AKAP9: variants seen among roughly 807,000 people sequenced by gnomAD.
AKAP9 encodes the protein A-kinase anchor protein 9.
In AKAP9, 311 loss-of-function variants were observed where a neutral mutation model predicts 488.5. That is an observed-to-expected ratio of 0.64 (90% confidence interval 0.58 to 0.70). The LOEUF (loss-of-function observed/expected upper bound fraction) is 0.70, where lower values mean the gene tolerates loss of function less well. Among genes scored for constraint, AKAP9 ranks in the 30% least tolerant of loss-of-function variants. AKAP9 has a pLI of 0.00. For synonymous variants in AKAP9, 1,462 were observed against 1,483.5 expected, an observed-to-expected ratio of 0.99 and a Z score of 0.33; for missense variants, 4,215 against 4,374.5, an observed-to-expected ratio of 0.96 and a Z score of 1.03.
chr7:92,102,798 G>T lies in AKAP9; in HGVS notation c.11302G>T (p.Ala3768Ser). Residue 3768 changes from alanine (A) to serine (S), a missense_variant, in exon 46 of 50, where the codon GCC becomes TCC. By Grantham distance (99) the Ala-to-Ser change is moderately conservative (BLOSUM62 1). Around this residue, in one of 5 missense-constraint regions of AKAP9, gnomAD observed 253 missense variants for 266.8 expected, o/e 0.95. Coordinates refer to ENST00000356239, the MANE Select transcript of AKAP9 (RefSeq NM_005751.5). ...RPKGFTRFRS[A>S]VRVSIAISRM... ...AAAGGGCTTCACCAGGTTTCGGTCG[G>T]CCGTCAGAGTATCCATTGCAATTTC... 1 of 1,614,188 alleles carries T rather than the reference G, an allele frequency of 6.2e-7. No homozygotes were observed.
chr7:92,099,789 A>G lies in AKAP9; in HGVS notation c.10816A>G (p.Lys3606Glu). ...TGHISQLTEEKNDLRNMVMKL... is the reference protein window; with the variant it reads ...TGHISQLTEEENDLRNMVMKL... ...GCATATCAGTCAACTGACTGAAGAG[A>G]AGAATGACTTAAGGAACATGGTTAT... The change falls in exon 44 of 50, where the codon AAG (lysine) becomes GAG (glutamate). Residue 3606 changes from lysine to glutamate, a missense_variant. Physicochemically the swap from Lys to Glu is moderately conservative, Grantham distance 56 (BLOSUM62 1). This residue lies in a region of AKAP9 where 74 missense variants were observed against 113.0 expected (regional missense o/e 0.65). Transcript: ENST00000356239. The G allele has an allele frequency of 6.2e-7, 1 of 1,614,136 alleles. No individual in the cohort carries two copies. The highest frequency in any genetic ancestry group is 8.5e-7 in the Non-Finnish European group (1 of 1,179,982).
intron 14 of AKAP9, among the ~76,000 whole-genome samples, chr7:92,024,942 T>C (rs1445605237): frequency 5.9e-5 from 9 of 152,236 alleles, no homozygotes; most frequent in Admixed American, 3.3e-4. Context: ...TGGTGGTTTC[T>C]AAACATGACC....
intron 44 of AKAP9, 115 bp downstream of exon 44, chr7:92,099,984 G>A: frequency 1.0e-6 from 1 of 978,498 alleles, no homozygotes; most frequent in Non-Finnish European, 1.6e-6. Flanking sequence ...CTGATTCTTA[G>A]GATCTGTAGA....
At chr7:92,097,437 A>G in intron 41 of AKAP9, 80 bp downstream of exon 41, 1 of 1,544,026 alleles carries the variant, frequency 6.5e-7, no homozygotes, top group Non-Finnish European at 8.8e-7. Flanking sequence ...TATTGGATTA[A>G]ATTACTTAAA....
intron 1 of AKAP9, among the ~76,000 whole-genome samples, chr7:91,947,910 T>C (rs1791668739): frequency 6.6e-6 from 1 of 152,196 alleles, no homozygotes; most frequent in Non-Finnish European, 1.5e-5. Flanking sequence ...CCAAACATCT[T>C]TCCATCTCAA....
At chr7:92,014,558 G>C (rs1801241842) in intron 10 of AKAP9, among the ~76,000 whole-genome samples, 1 of 152,158 alleles carries the variant, frequency 6.6e-6, no homozygotes, top group African/African-American at 2.4e-5. Context: ...GGGCATGGGA[G>C]GCAGAGGTTG....
intron 39 of AKAP9, 114 bp from the exon 40 acceptor site, chr7:92,094,909 C>G: frequency 1.2e-6 from 1 of 820,412 alleles, no homozygotes; most frequent in South Asian, 1.5e-5. Context: ...TTATATTTTC[C>G]TCTTAGCTAG....
intron 1 of AKAP9, among the ~76,000 whole-genome samples, chr7:91,969,421 G>A (rs1398591264): frequency 6.6e-6 from 1 of 152,032 alleles, no homozygotes; most frequent in Admixed American, 6.5e-5. Flanking sequence ...TGTCAGTTTG[G>A]CCTATTTGGC....
intron 31 of AKAP9, among the ~76,000 whole-genome samples, chr7:92,080,468 G>C (rs1813336078): frequency 6.6e-6 from 1 of 151,876 alleles, no homozygotes; most frequent in African/African-American, 2.4e-5. Flanking sequence ...CGTGGTGGTG[G>C]GTGCCTGTAG....
Position 92,038,744 on chromosome 7 carries a change from A to T in AKAP9, c.4664A>T (p.Lys1555Ile). Residue 1555 changes from lysine (K) to isoleucine (I), a missense_variant, in exon 17 of 50, where the codon AAA becomes ATA. Around this residue, in one of 5 missense-constraint regions of AKAP9, gnomAD observed 2,361 missense variants for 2,430.0 expected, o/e 0.97. Coordinates refer to ENST00000356239, the MANE Select transcript of AKAP9 (RefSeq NM_005751.5). ...ACTATTTCAGAAGAAATGTTCTCCA[A>T]AGATAAAACATTTATAGTTAGACAG... ...VLTISEEMFS[K>I]DKTFIVRQSI... 4 of 1,606,120 alleles carry T rather than the reference A, an allele frequency of 2.5e-6. No homozygotes were observed. The highest frequency in any genetic ancestry group is 3.4e-6 in the Non-Finnish European group (4 of 1,177,102).
At chr7:91,968,755 T>A (rs1036212867) in intron 1 of AKAP9, among the ~76,000 whole-genome samples, 1 of 152,236 alleles carries the variant, frequency 6.6e-6, no homozygotes, top group South Asian at 2.1e-4. Flanking sequence ...CTGCTTTTGC[T>A]TTATCACATA....
At chr7:91,974,341 G>C (rs79600963) in intron 2 of AKAP9, among the ~76,000 whole-genome samples, 3 of 147,814 alleles carry the variant, frequency 2.0e-5, no homozygotes, top group Non-Finnish European at 4.5e-5. Flanking sequence ...CATTTTTTTT[G>C]TTTGTGGCTA....
chr7:91,970,403 C>G, intron 1 of AKAP9: 1 of 443,410 alleles, frequency 2.3e-6, no homozygotes, highest in South Asian at 1.6e-5. Flanking sequence ...TGTCCACGTA[C>G]TTAATTTTAC....
chr7:92,097,192 A>T lies in AKAP9; in HGVS notation c.10233A>T (p.Lys3411Asn). Reference protein sequence around the residue: ...GQKKMHELQSKVEDLQRQLEE... With the variant: ...GQKKMHELQSNVEDLQRQLEE... ...AAAAAATGCATGAGCTCCAGTCCAA[A>T]GTGGAAGATCTTCAGCGCCAGCTGG... The change falls in exon 41 of 50, where the codon AAA becomes AAT. Residue 3411 changes from lysine (K) to asparagine (N), a missense_variant. This residue lies in a region of AKAP9 where 1,476 missense variants were observed against 1,477.4 expected (regional missense o/e 1.00). Transcript: ENST00000356239. 1 of 1,613,284 alleles carries T rather than the reference A, an allele frequency of 6.2e-7. No homozygotes were observed. Among genetic ancestry groups the T allele is most frequent in the Non-Finnish European group, 8.5e-7 (1 of 1,179,762 alleles).
intron 20 of AKAP9, 137 bp from the exon 21 acceptor site, chr7:92,044,871 A>C: frequency 1.7e-6 from 1 of 576,036 alleles, no homozygotes; most frequent in Non-Finnish European, 2.9e-6. Context: ...TGTAGATGCT[A>C]TTGGGTATTT....
chr7:92,086,163 A>AT (rs1814522472), intron 36 of AKAP9, 65 bp from the exon 37 acceptor site: 1 of 1,303,144 alleles, frequency 7.7e-7, no homozygotes, highest in South Asian at 1.3e-5. Context: ...GTAGATTAAT[A>AT]TTTTTAGAAT....
intron 16 of AKAP9, among the ~76,000 whole-genome samples, chr7:92,033,201 G>A (rs1804570422): frequency 6.6e-6 from 1 of 152,082 alleles, no homozygotes; most frequent in African/African-American, 2.4e-5. Flanking sequence ...GGTCAGTGAT[G>A]TAACAGACCT....
At chr7:91,982,125 A>AT (rs981033903) in intron 3 of AKAP9, among the ~76,000 whole-genome samples, 1 of 151,934 alleles carries the variant, frequency 6.6e-6, no homozygotes, top group African/African-American at 2.4e-5. Context: ...AATAGAGCAA[A>AT]TTTTAATTTA....
At chr7:92,107,249 G>A (rs1818660413) in intron 47 of AKAP9, 44 bp from the exon 48 acceptor site, 2 of 1,607,398 alleles carry the variant, frequency 1.2e-6, no homozygotes, top group East Asian at 2.2e-5. Context: ...TTAAGGTCTT[G>A]GGATTTTATT....
Sources: allele counts gnomAD v4.1 joint callset (sites outside exome capture counted in the v4.1 genomes callset), GRCh38; gene constraint gnomAD v4.1.1; regional missense constraint gnomAD v4.1.1; transcripts MANE v1.5; gene names NCBI Gene and HGNC (gene_info 2026-07-23, HGNC 2026-07-21).